The following NIBAN1 variants were observed in gnomAD, a reference collection of about 807,000 sequenced individuals.
NIBAN1 encodes the protein niban apoptosis regulator 1.
NIBAN1 carries 81 observed loss-of-function variants against 75.1 expected under a neutral mutation model. The observed-to-expected ratio is 1.08, with a 90% confidence interval of 0.90 to 1.30. NIBAN1 has a LOEUF of 1.30. NIBAN1 is among the 50% of genes most tolerant of loss of function. The pLI is 0.00. For synonymous variants in NIBAN1, 436 were observed against 424.8 expected (o/e 1.03, Z -0.32); for missense variants, 1,133 against 1,128.1 (o/e 1.00, Z -0.06).
At chr1:184,913,887 A>T (rs1212158168) in intron 1 of NIBAN1, among the ~76,000 whole-genome samples, 1 of 152,208 alleles carries the variant, frequency 6.6e-6, no homozygotes, top group African/African-American at 2.4e-5. Flanking sequence ...CCATGGATGC[A>T]AATCTGGCTT....
intron 1 of NIBAN1, among the ~76,000 whole-genome samples, chr1:184,965,430 A>T (rs1202111557): frequency 6.6e-6 from 1 of 152,196 alleles, no homozygotes; most frequent in Non-Finnish European, 1.5e-5. Flanking sequence ...ATTTAGGTTG[A>T]TTCCATATCT....
chr1:184,933,603 A>AT (rs1247352854), intron 1 of NIBAN1, among the ~76,000 whole-genome samples: 1 of 152,242 alleles, frequency 6.6e-6, no homozygotes, highest in East Asian at 1.9e-4. Context: ...ACTGATGTTC[A>AT]TAAGTTCACA....
intron 1 of NIBAN1, among the ~76,000 whole-genome samples, chr1:184,931,571 G>T (rs1391221381): frequency 6.6e-6 from 1 of 152,140 alleles, no homozygotes; most frequent in Non-Finnish European, 1.5e-5. Flanking sequence ...GATATTAGTG[G>T]AATACATATT....
rs75030920 is a variant in NIBAN1, at chr1:184,795,774, C to T, written c.1990G>A (p.Val664Met). The T allele has an allele frequency of 2.9e-5, 46 of 1,611,400 alleles. No individual in the cohort carries two copies. Among genetic ancestry groups the T allele is most frequent in the South Asian group, 1.1e-4 (10 of 90,674 alleles). ...TCCTCTGTTGCCACAGGATTCACCA[C>T]GGGGTCATCCACTCTTGAAATAATC... ...QVIISRVDDPVVNPVATEDTA... is the reference protein window; with the variant it reads ...QVIISRVDDPMVNPVATEDTA... The change falls in exon 14 of 14, where the codon GTG (valine) becomes ATG (methionine). Residue 664 changes from valine to methionine, a missense_variant. Physicochemically the swap from Val to Met is conservative, Grantham distance 21 (BLOSUM62 1). Coordinates refer to ENST00000367511, the MANE Select transcript of NIBAN1 (RefSeq NM_052966.4).
At chr1:184,806,736 G>A (rs1344923026) in intron 10 of NIBAN1, among the ~76,000 whole-genome samples, 4 of 149,154 alleles carry the variant, frequency 2.7e-5, no homozygotes, top group African/African-American at 7.4e-5. Flanking sequence ...CCCCAAGCCC[G>A]TGGTCCCAAA....
intron 1 of NIBAN1, among the ~76,000 whole-genome samples, chr1:184,952,445 G>A (rs770426767): frequency 1.6e-4 from 25 of 152,306 alleles, no homozygotes; most frequent in Non-Finnish European, 2.9e-4. Flanking sequence ...CATGACGTTT[G>A]AGGTTTTAAG....
intron 1 of NIBAN1, among the ~76,000 whole-genome samples, chr1:184,933,403 G>A (rs1042885949): frequency 1.9e-4 from 29 of 152,174 alleles, no homozygotes; most frequent in African/African-American, 5.8e-4. Flanking sequence ...AGCCCTTTTG[G>A]ATCTGCCAAA....
At chr1:184,878,511 C>A (rs952309709) in intron 5 of NIBAN1, among the ~76,000 whole-genome samples, 1 of 152,104 alleles carries the variant, frequency 6.6e-6, no homozygotes, top group African/African-American at 2.4e-5. Context: ...ATCTTCAGAG[C>A]ACTTCTAAAC....
chr1:184,890,341 G>A, intron 3 of NIBAN1, 119 bp from the exon 4 acceptor site: 1 of 692,446 alleles, frequency 1.4e-6, no homozygotes, highest in Non-Finnish European at 2.6e-6. Context: ...CCCATACTAT[G>A]TTATTGAGTT....
At position 184,974,365 on chromosome 1, in the gene NIBAN1, G is replaced by A; in HGVS notation, c.-9C>T. 6.4e-7 allele frequency: 1 copy of A among 1,551,712 alleles called. No individual in the cohort carries two copies. Among genetic ancestry groups the A allele is most frequent in the East Asian group, 2.4e-5 (1 of 41,180 alleles). ...GAGGCTGAGCCGCCCATGACCGCGA[G>A]CTGCCTGTGCTGAGCGCGGAAACTG... On this transcript the variant is annotated 5_prime_UTR_variant, in exon 1 of 14. Transcript: ENST00000367511.
intron 13 of NIBAN1, among the ~76,000 whole-genome samples, chr1:184,796,979 T>A (rs908810692): frequency 6.6e-6 from 1 of 152,140 alleles, no homozygotes; most frequent in African/African-American, 2.4e-5. Context: ...GACATCTTCA[T>A]ATTGCTGGTC....
At chr1:184,922,305 G>A (rs1657575623) in intron 1 of NIBAN1, among the ~76,000 whole-genome samples, 1 of 151,722 alleles carries the variant, frequency 6.6e-6, no homozygotes, top group Non-Finnish European at 1.5e-5. Context: ...GTTGACTGTA[G>A]TCTCCCTGTT....
intron 1 of NIBAN1, among the ~76,000 whole-genome samples, chr1:184,931,342 T>C (rs1051504812): frequency 2.0e-5 from 3 of 152,222 alleles, no homozygotes; most frequent in African/African-American, 4.8e-5. Context: ...CTTTAATCAA[T>C]GCAGTCTTAT....
intron 1 of NIBAN1, among the ~76,000 whole-genome samples, chr1:184,957,758 A>G (rs1658527799): frequency 6.6e-6 from 1 of 152,236 alleles, no homozygotes; most frequent in African/African-American, 2.4e-5. Context: ...TGACAAGTCC[A>G]AAATCTCCAG....
chr1:184,835,755 G>A (rs1453642360), intron 5 of NIBAN1, among the ~76,000 whole-genome samples: 5 of 152,188 alleles, frequency 3.3e-5, no homozygotes, highest in Non-Finnish European at 7.3e-5. Context: ...TGAGACAATG[G>A]GGTTTTCTAA....
At chr1:184,948,552 A>G (rs1341386141) in intron 1 of NIBAN1, among the ~76,000 whole-genome samples, 2 of 152,220 alleles carry the variant, frequency 1.3e-5, no homozygotes, top group African/African-American at 4.8e-5. Context: ...AGAGATTCAT[A>G]TAAATATTTA....
chr1:184,806,091 G>C lies in NIBAN1; in HGVS notation c.1336-35C>G, dbSNP rs938550437. ...AGAAGCGACACAGAAACAGACAACA[G>C]TCAGGGGCTGGGATCACCACCCACA... On this transcript the variant is annotated intron_variant, in intron 10 of 13. Transcript: ENST00000367511. The C allele has an allele frequency of 4.5e-6, 7 of 1,570,950 alleles. No homozygotes were observed. In the African/African-American group the frequency reaches 8.1e-5, roughly 18 times the overall value.
At chr1:184,957,692 C>G (rs1167557083) in intron 1 of NIBAN1, among the ~76,000 whole-genome samples, 1 of 152,188 alleles carries the variant, frequency 6.6e-6, no homozygotes, top group East Asian at 1.9e-4. Flanking sequence ...CCCTCCTTTT[C>G]TCACTGGGCA....
chr1:184,812,475 G>T (rs1654410458), intron 9 of NIBAN1, among the ~76,000 whole-genome samples: 1 of 152,158 alleles, frequency 6.6e-6, no homozygotes, highest in Admixed American at 6.5e-5. Flanking sequence ...CGGCCAAAAG[G>T]TAAGAATTTC....
Sources: gnomAD v4.1 joint callset for allele counts (sites outside exome capture counted in the v4.1 genomes callset) on GRCh38, gnomAD v4.1.1 for gene constraint, MANE v1.5 for transcripts, NCBI Gene and HGNC (gene_info 2026-07-23, HGNC 2026-07-21) for gene names.